PPFIA2: variants seen among roughly 807,000 people sequenced by gnomAD.
The protein encoded by PPFIA2 is liprin-alpha-2.
Under a neutral mutation model 175.5 loss-of-function variants are expected in PPFIA2, and 46 were observed. The observed-to-expected ratio is 0.26, with a 90% CI of 0.21 to 0.34. PPFIA2 has a LOEUF of 0.34. Ranked by LOEUF, PPFIA2 falls within the 10% of genes least tolerant of loss-of-function variation. The pLI is 1.00. For missense variants in PPFIA2, 1,179 were observed against 1,506.1 expected (o/e 0.78, Z 3.60); for synonymous variants, 568 against 511.4 (o/e 1.11, Z -1.49).
chr12:81,388,384 T>C (rs1240140355), intron 8 of PPFIA2, among the ~76,000 whole-genome samples: 1 of 152,022 alleles, frequency 6.6e-6, no homozygotes, highest in Non-Finnish European at 1.5e-5. Context: ...AAATAGAAAG[T>C]AGATACAAAA....
chr12:81,289,038 T>G (rs2044205520), intron 24 of PPFIA2, among the ~76,000 whole-genome samples: 1 of 151,612 alleles, frequency 6.6e-6, no homozygotes, highest in African/African-American at 2.4e-5. Context: ...CACATAGGAG[T>G]ATGACCTTAG....
intron 4 of PPFIA2, among the ~76,000 whole-genome samples, chr12:81,636,469 G>C (rs1275231966): frequency 1.3e-5 from 2 of 150,606 alleles, no homozygotes; most frequent in Non-Finnish European, 1.5e-5. Context: ...GTTTCACTGT[G>C]TTAGCCAGGA....
rs977419154 is a variant in PPFIA2 at position 81,340,962 on chromosome 12, G to A, written c.2393+116C>T. ...AAGTGATACTGGGAAAGGGAAGCTG[G>A]AGAATTCTGGCTCAAATAATGTAAA... On this transcript the variant is annotated intron_variant, in intron 20 of 32. Coordinates refer to ENST00000549396, the MANE Select transcript of PPFIA2 (RefSeq NM_003625.5). The A allele has an allele frequency of 1.3e-5, 15 of 1,123,206 alleles. No homozygotes were observed. The African/African-American group carries it at 1.9e-4, about 14-fold the overall frequency. 69.6% of individuals were successfully genotyped at this position (1,123,206 alleles called of 1,614,324 possible).
At chr12:81,506,837 C>G (rs140757813) in intron 4 of PPFIA2, among the ~76,000 whole-genome samples, 1 of 152,190 alleles carries the variant, frequency 6.6e-6, no homozygotes, top group Non-Finnish European at 1.5e-5. Flanking sequence ...AAAAGCAACA[C>G]AGATAATATG....
intron 4 of PPFIA2, among the ~76,000 whole-genome samples, chr12:81,495,731 C>T (rs980579211): frequency 1.3e-5 from 2 of 152,186 alleles, no homozygotes; most frequent in African/African-American, 4.8e-5. Context: ...AGGAGAATCA[C>T]TTGGGCCCCA....
intron 8 of PPFIA2, among the ~76,000 whole-genome samples, chr12:81,388,292 C>T (rs1449611893): frequency 6.6e-6 from 1 of 152,132 alleles, no homozygotes; most frequent in African/African-American, 2.4e-5. Context: ...ACAAATATAA[C>T]TTGATATGCT....
chr12:81,418,832 T>A (rs1026785130), intron 7 of PPFIA2, among the ~76,000 whole-genome samples: 1 of 152,040 alleles, frequency 6.6e-6, no homozygotes, highest in Admixed American at 6.6e-5. Flanking sequence ...CCCCTGAAAA[T>A]GAAATTATTT....
intron 15 of PPFIA2, among the ~76,000 whole-genome samples, chr12:81,360,672 ACCT>A (rs1566433125): frequency 6.6e-6 from 1 of 151,476 alleles, no homozygotes; most frequent in African/African-American, 2.4e-5. Flanking sequence ...GTTCTCATGC[ACCT>A]CCTATTTCCA....
At chr12:81,577,023 A>C (rs954357294) in intron 4 of PPFIA2, among the ~76,000 whole-genome samples, 4 of 151,864 alleles carry the variant, frequency 2.6e-5, no homozygotes, top group African/African-American at 9.7e-5. Context: ...AGAGATAAGA[A>C]AATAAATGTT....
chr12:81,533,758 T>C (rs1389682949), intron 4 of PPFIA2, among the ~76,000 whole-genome samples: 1 of 151,056 alleles, frequency 6.6e-6, no homozygotes, highest in Non-Finnish European at 1.5e-5. Flanking sequence ...TATCTACATA[T>C]ATATATACAC....
chr12:81,462,602 AT>A (rs1423188461), intron 4 of PPFIA2, among the ~76,000 whole-genome samples: 23 of 143,976 alleles, frequency 1.6e-4, no homozygotes, highest in African/African-American at 4.3e-4. Flanking sequence ...ATATATATAT[AT>A]ATATAATATA....
chr12:81,316,473 A>C (rs2052380342), intron 22 of PPFIA2, among the ~76,000 whole-genome samples: 1 of 151,570 alleles, frequency 6.6e-6, no homozygotes, highest in Admixed American at 6.6e-5. Context: ...GGAATGAATA[A>C]TTTAGATTGA....
At chr12:81,623,355 T>A (rs1189350603) in intron 4 of PPFIA2, among the ~76,000 whole-genome samples, 1 of 151,972 alleles carries the variant, frequency 6.6e-6, no homozygotes, top group Non-Finnish European at 1.5e-5. Context: ...TACAAATAAG[T>A]GTCATGAGAA....
At chr12:81,600,814 G>A (rs541445492) in intron 4 of PPFIA2, among the ~76,000 whole-genome samples, 33 of 152,018 alleles carry the variant, frequency 2.2e-4, no homozygotes, top group African/African-American at 5.3e-4. Context: ...GTTTAAGAGC[G>A]AAGTTTTAAG....
chr12:81,457,247 GT>G (rs2053736356), intron 5 of PPFIA2, among the ~76,000 whole-genome samples: 1 of 151,086 alleles, frequency 6.6e-6, no homozygotes. Flanking sequence ...GCCTCCCAAA[GT>G]GCTGGGATTA....
At chr12:81,524,201 T>C (rs756288589) in intron 4 of PPFIA2, among the ~76,000 whole-genome samples, 2 of 152,186 alleles carry the variant, frequency 1.3e-5, no homozygotes, top group Non-Finnish European at 2.9e-5. Context: ...GCCATAGGGT[T>C]GGTTCTACCC....
intron 3 of PPFIA2, among the ~76,000 whole-genome samples, chr12:81,722,039 T>C (rs139099199): frequency 2.0e-5 from 3 of 151,160 alleles, no homozygotes; most frequent in African/African-American, 7.2e-5. Context: ...TGATTTCTAA[T>C]TGTTATTAGT....
At chr12:81,303,407 C>G (rs2048351270) in intron 22 of PPFIA2, among the ~76,000 whole-genome samples, 1 of 152,180 alleles carries the variant, frequency 6.6e-6, no homozygotes, top group South Asian at 2.1e-4. Context: ...ATCAGCTGTA[C>G]TTCCTTTTAG....
intron 3 of PPFIA2, among the ~76,000 whole-genome samples, chr12:81,721,941 A>G (rs546898416): frequency 6.6e-6 from 1 of 151,276 alleles, no homozygotes; most frequent in East Asian, 1.9e-4. Context: ...AGCACATAAT[A>G]GATATTACTA....
Sources: gnomAD v4.1 joint callset for allele counts (sites outside exome capture counted in the v4.1 genomes callset) on GRCh38, gnomAD v4.1.1 for gene constraint, MANE v1.5 for transcripts, NCBI Gene and HGNC (gene_info 2026-07-23, HGNC 2026-07-21) for gene names.